Variants in RPGRIP1L observed in about 807,000 individuals in gnomAD.
RPGRIP1L encodes protein fantom.
In RPGRIP1L, 131 loss-of-function variants were observed where a neutral mutation model predicts 160.4. The ratio of observed to expected loss-of-function variants is 0.82; its 90% CI spans 0.71 to 0.94. RPGRIP1L has a LOEUF of 0.94. Among genes scored for constraint, RPGRIP1L ranks in the 40% least tolerant of loss-of-function variants. RPGRIP1L has a pLI of 0.00. For synonymous variants in RPGRIP1L, 510 were observed against 515.8 expected, an observed-to-expected ratio of 0.99 and a Z score of 0.15; for missense variants, 1,522 against 1,535.8, an observed-to-expected ratio of 0.99 and a Z score of 0.15.
At chr16:53,617,265 G>C (rs906482315) in intron 24 of RPGRIP1L, among the ~76,000 whole-genome samples, 1 of 151,832 alleles carries the variant, frequency 6.6e-6, no homozygotes, top group Non-Finnish European at 1.5e-5. Flanking sequence ...TTTCTCAATA[G>C]ACAATTAATC....
chr16:53,676,559 C>T (rs1969188549), intron 6 of RPGRIP1L, among the ~76,000 whole-genome samples: 1 of 152,036 alleles, frequency 6.6e-6, no homozygotes, highest in Non-Finnish European at 1.5e-5. Flanking sequence ...GAATGTGATT[C>T]AAATAATTTA....
intron 2 of RPGRIP1L, among the ~76,000 whole-genome samples, chr16:53,698,283 C>T (rs1970998399): frequency 2.0e-5 from 3 of 150,758 alleles, no homozygotes; most frequent in Non-Finnish European, 4.4e-5. Flanking sequence ...GGGGTCAGCC[C>T]CCGCCAGGCC....
In RPGRIP1L at chr16:53,637,692, C is replaced by T; in HGVS notation, c.3220+3G>A. ...ACAATGTTAGTTTAAATAAGAAAGTCACCTTCTGGTTCCAAGTCCTCTGTT... is the reference window on the plus strand; with the variant it reads ...ACAATGTTAGTTTAAATAAGAAAGTTACCTTCTGGTTCCAAGTCCTCTGTT... On this transcript the variant is annotated splice_donor_region_variant and intron_variant, in intron 21 of 26. Coordinates refer to ENST00000647211, the MANE Select transcript of RPGRIP1L (RefSeq NM_015272.5). 6.2e-7 allele frequency: 1 copy of T among 1,606,850 alleles called. No individual in the cohort carries two copies. Among genetic ancestry groups the T allele is most frequent in the East Asian group, 2.2e-5 (1 of 44,802 alleles).
chr16:53,692,318 C>CA lies in RPGRIP1L; in HGVS notation c.276dup (p.Glu93Ter). 6.2e-7 allele frequency: 1 copy of CA among 1,614,174 alleles called. No individual in the cohort carries two copies. The highest frequency in any genetic ancestry group is 2.2e-5 in the East Asian group (1 of 44,890). ...CGCTTGGGGCCGCCACCAACCCGCT[C>CA]ATATCTTTTCTTGTCATTAACTAGC... On this transcript the variant is annotated frameshift_variant, in exon 4 of 27. Coordinates refer to ENST00000647211, the MANE Select transcript of RPGRIP1L (RefSeq NM_015272.5). LOFTEE classifies it high-confidence loss of function.
rs981588448 is a variant in RPGRIP1L, at chr16:53,601,670, C to T, written c.*406G>A. Reference sequence around the variant, plus strand: ...ATCATAGGCATTCCATTTAGTGGGACGATTAGGGATAACATAAAAGTATTT... The same window carrying T: ...ATCATAGGCATTCCATTTAGTGGGATGATTAGGGATAACATAAAAGTATTT... On this transcript the variant is annotated 3_prime_UTR_variant, in exon 27 of 27. Transcript: ENST00000647211. 5 of 197,700 alleles carry T rather than the reference C, an allele frequency of 2.5e-5. No homozygotes were observed. The highest frequency in any genetic ancestry group is 4.3e-5 in the Non-Finnish European group (4 of 93,986). The allele number at this position is 197,700 out of a possible 1,614,324, so 12.2% of individuals were successfully genotyped here.
intron 24 of RPGRIP1L, among the ~76,000 whole-genome samples, chr16:53,618,203 G>A (rs1393944415): frequency 2.6e-5 from 4 of 152,172 alleles, no homozygotes; most frequent in Non-Finnish European, 1.5e-5. Flanking sequence ...ATGAATGGAT[G>A]TGTGTGCTAT....
rs143554010 is a variant in RPGRIP1L, at chr16:53,604,976, G to A, written c.3835+505C>T. Among the ~76,000 whole-genome samples the A allele has an allele frequency of 1.7e-3, 256 of 152,112 alleles. 1 individual carries two copies. Among genetic ancestry groups the A allele is most frequent in the African/African-American group, 5.7e-3 (238 of 41,500 alleles). ...GCAGATCACTTGAGCCCAGGAGTTCGAGACCAGCCTGGGCAACATGATGAA... is the reference window on the plus strand; with the variant it reads ...GCAGATCACTTGAGCCCAGGAGTTCAAGACCAGCCTGGGCAACATGATGAA... On this transcript the variant is annotated intron_variant, in intron 26 of 26. Transcript: ENST00000647211.
chr16:53,682,242 C>T (rs2151296419), intron 6 of RPGRIP1L, among the ~76,000 whole-genome samples: 1 of 152,206 alleles, frequency 6.6e-6, no homozygotes, highest in South Asian at 2.1e-4. Flanking sequence ...TGATTTATTT[C>T]TCTGGTCTCT....
intron 14 of RPGRIP1L, chr16:53,653,300 C>T: frequency 2.0e-6 from 2 of 983,966 alleles, no homozygotes; most frequent in South Asian, 9.4e-5. Context: ...TGGATTTCAC[C>T]TGCTTCCCTG....
intron 6 of RPGRIP1L, among the ~76,000 whole-genome samples, chr16:53,678,658 T>C (rs1969382698): frequency 6.6e-6 from 1 of 151,934 alleles, no homozygotes; most frequent in South Asian, 2.1e-4. Flanking sequence ...TTTAACGTCA[T>C]TTAGAAGAGA....
rs3213758 is a variant in RPGRIP1L, at chr16:53,605,526, C to T, written c.3790G>A (p.Asp1264Asn). Residue 1264 changes from aspartate (D) to asparagine (N), a missense_variant, in exon 26 of 27, where the codon GAC (aspartate) becomes AAC (asparagine). By Grantham distance (23) the Asp-to-Asn change is conservative (BLOSUM62 1). Coordinates refer to ENST00000647211, the MANE Select transcript of RPGRIP1L (RefSeq NM_015272.5). ...DIGVAHVDLADMFQEGRDLIE... is the reference protein window; with the variant it reads ...DIGVAHVDLANMFQEGRDLIE... The stretch of plus-strand genomic sequence containing the variant: ...AGGTCCCTCCCTTCCTGAAACATGT[C>T]GGCAAGGTCGACGTGAGCCACGCCA... The T allele has an allele frequency of 0.061, 98,653 of 1,613,892 alleles. 4,510 individuals carry two copies. Among genetic ancestry groups the T allele is most frequent in the East Asian group, 0.28 (12,598 of 44,848 alleles).
chr16:53,612,812 T>C (rs528481467), intron 24 of RPGRIP1L, among the ~76,000 whole-genome samples: 2 of 152,352 alleles, frequency 1.3e-5, no homozygotes, highest in Admixed American at 6.5e-5. Flanking sequence ...GCATTAAATA[T>C]CTACATATTG....
In RPGRIP1L at chr16:53,674,967, G is replaced by A. The variant is rs193084472; in HGVS notation, c.882+50C>T. The A allele has an allele frequency of 4.0e-6, 5 of 1,251,474 alleles. No homozygotes were observed. The East Asian group carries it at 1.2e-4, about 29-fold the overall frequency. The allele number at this position is 1,251,474 out of a possible 1,614,324, so 77.5% of individuals were successfully genotyped here. A position where few individuals can be genotyped will look rare whatever the true frequency, so the allele number is the denominator to read the frequency against. ...AAAAAACAACTTGAATACTACTTTT[G>A]AATCCTTTGCATCTCTGTAACATTG... On this transcript the variant is annotated intron_variant, in intron 7 of 26. Transcript: ENST00000647211.
At chr16:53,698,667 T>G (rs1183290571) in intron 2 of RPGRIP1L, among the ~76,000 whole-genome samples, 8 of 86,138 alleles carry the variant, frequency 9.3e-5, no homozygotes, top group Non-Finnish European at 1.3e-4. Flanking sequence ...GGGAGGGAGG[T>G]GGGGGGGTCA....
At chr16:53,656,364 G>A (rs925978414) in intron 14 of RPGRIP1L, 108 bp downstream of exon 14, 68 of 830,480 alleles carry the variant, frequency 8.2e-5, no homozygotes, top group South Asian at 4.1e-4. Flanking sequence ...TGAATTAGGC[G>A]TAAACACAGC....
At chr16:53,678,461 T>C (rs1969356691) in intron 6 of RPGRIP1L, among the ~76,000 whole-genome samples, 1 of 152,212 alleles carries the variant, frequency 6.6e-6, no homozygotes, top group Admixed American at 6.5e-5. Flanking sequence ...AGCGGAGCTA[T>C]GTAATGTATA....
chr16:53,656,065 G>T (rs920362952), intron 14 of RPGRIP1L, among the ~76,000 whole-genome samples: 2 of 152,152 alleles, frequency 1.3e-5, no homozygotes, highest in Non-Finnish European at 2.9e-5. Context: ...TTAAAAAGTG[G>T]TAGTAAATTT....
intron 21 of RPGRIP1L, among the ~76,000 whole-genome samples, chr16:53,637,477 A>G (rs374160690): frequency 6.6e-6 from 1 of 152,214 alleles, no homozygotes; most frequent in East Asian, 1.9e-4. Context: ...TAACACTTGT[A>G]TTCTATTGTG....
chr16:53,612,623 TA>T (rs565222645), intron 24 of RPGRIP1L, among the ~76,000 whole-genome samples: 32 of 147,484 alleles, frequency 2.2e-4, no homozygotes, highest in Admixed American at 2.0e-4. Flanking sequence ...TCTCAGTGGT[TA>T]AAAAAAAAAG....
Sources: gnomAD v4.1 joint callset for allele counts (sites outside exome capture counted in the v4.1 genomes callset) on GRCh38, gnomAD v4.1.1 for gene constraint, MANE v1.5 for transcripts, NCBI Gene and HGNC (gene_info 2026-07-23, HGNC 2026-07-21) for gene names.